The following XKR4 variants were observed in gnomAD, a reference collection of about 807,000 sequenced individuals.
XKR4 encodes XK related 4.
In XKR4, 12 loss-of-function variants were observed where a neutral mutation model predicts 53.9. The observed-to-expected ratio is 0.22, with a 90% CI of 0.14 to 0.36. The LOEUF is 0.36. XKR4 is among the 10% of genes least tolerant of loss of function. The pLI is 1.00. For synonymous variants in XKR4, 354 were observed against 362.4 expected, an observed-to-expected ratio of 0.98 and a Z score of 0.26; for missense variants, 799 against 859.5, an observed-to-expected ratio of 0.93 and a Z score of 0.88.
At chr8:55,458,746 G>A (rs1306767212) in intron 2 of XKR4, among the ~76,000 whole-genome samples, 1 of 152,216 alleles carries the variant, frequency 6.6e-6, no homozygotes, top group African/African-American at 2.4e-5. Context: ...AAGTCAAGCT[G>A]CTTCTCACTG....
At chr8:55,105,347 A>C (rs960049235) in intron 1 of XKR4, among the ~76,000 whole-genome samples, 4 of 102,678 alleles carry the variant, frequency 3.9e-5, no homozygotes, top group Admixed American at 2.5e-4. Flanking sequence ...GTTATTTCAG[A>C]GGTAGGGAGT....
intron 2 of XKR4, among the ~76,000 whole-genome samples, chr8:55,376,546 G>A (rs918466085): frequency 3.2e-4 from 48 of 151,996 alleles, no homozygotes; most frequent in African/African-American, 1.1e-3. Context: ...GTCTGTTCAT[G>A]TTCTTTGCCC....
chr8:55,312,394 T>C (rs1054086152), intron 1 of XKR4, among the ~76,000 whole-genome samples: 1 of 152,234 alleles, frequency 6.6e-6, no homozygotes, highest in Non-Finnish European at 1.5e-5. Flanking sequence ...TTGATATTTG[T>C]TTCCTTTATT....
At chr8:55,344,844 G>T (rs945207650) in intron 1 of XKR4, among the ~76,000 whole-genome samples, 1 of 152,084 alleles carries the variant, frequency 6.6e-6, no homozygotes, top group African/African-American at 2.4e-5. Context: ...TCCTCCTCTA[G>T]GTCTAAGGAA....
rs1806953106 is a variant in XKR4 at position 55,531,565 on chromosome 8, A to G, written c.*7338A>G. The G allele has an allele frequency of 6.6e-6, 1 of 152,208 alleles. No homozygotes were observed. Among genetic ancestry groups the G allele is most frequent in the Non-Finnish European group, 1.5e-5 (1 of 68,034 alleles). 9.4% of individuals were successfully genotyped at this position (152,208 alleles called of 1,614,324 possible). On this transcript the variant is annotated 3_prime_UTR_variant, in exon 3 of 3. Coordinates refer to ENST00000327381, the MANE Select transcript of XKR4 (RefSeq NM_052898.2). The stretch of plus-strand genomic sequence containing the variant: ...AAAAGTAATTTTATAATTTGTTTAT[A>G]TGACTCTCCAACACTAGATATTTTT...
intron 2 of XKR4, among the ~76,000 whole-genome samples, chr8:55,388,552 T>G (rs1414699654): frequency 6.6e-6 from 1 of 152,216 alleles, no homozygotes; most frequent in African/African-American, 2.4e-5. Context: ...CCTTCTTGCT[T>G]TGTCCTCCTG....
At chr8:55,215,142 G>T (rs972298763) in intron 1 of XKR4, among the ~76,000 whole-genome samples, 1 of 151,292 alleles carries the variant, frequency 6.6e-6, no homozygotes, top group Admixed American at 6.6e-5. Flanking sequence ...TCATTTAGCT[G>T]CTGAGTATTA....
chr8:55,249,250 G>A (rs917292438), intron 1 of XKR4, among the ~76,000 whole-genome samples: 8 of 152,116 alleles, frequency 5.3e-5, no homozygotes, highest in African/African-American at 1.9e-4. Flanking sequence ...CCTGAAATTG[G>A]GAAGTCACTG....
At chr8:55,323,548 T>C (rs1382758976) in intron 1 of XKR4, among the ~76,000 whole-genome samples, 2 of 152,244 alleles carry the variant, frequency 1.3e-5, no homozygotes, top group African/African-American at 2.4e-5. Context: ...TATTGCTAAG[T>C]AGTATTCTAT....
intron 1 of XKR4, among the ~76,000 whole-genome samples, chr8:55,306,019 G>A (rs1303226404): frequency 1.3e-5 from 2 of 152,150 alleles, no homozygotes; most frequent in Non-Finnish European, 2.9e-5. Context: ...TAACAAAAGG[G>A]GCTGAAGGGA....
chr8:55,362,932 G>A (rs1848084), intron 2 of XKR4, among the ~76,000 whole-genome samples: 2,287 of 152,296 alleles, frequency 0.015, 40 homozygotes, highest in African/African-American at 0.052. Flanking sequence ...CTCAATGAGG[G>A]TGTATAAACC....
intron 2 of XKR4, among the ~76,000 whole-genome samples, chr8:55,426,970 C>T (rs1485149279): frequency 6.6e-6 from 1 of 152,140 alleles, no homozygotes; most frequent in Non-Finnish European, 1.5e-5. Flanking sequence ...CTACCACTGC[C>T]TACAGTTGCT....
intron 2 of XKR4, among the ~76,000 whole-genome samples, chr8:55,405,967 A>G (rs952369946): frequency 6.6e-6 from 1 of 152,138 alleles, no homozygotes; most frequent in Non-Finnish European, 1.5e-5. Context: ...AGCAGCCTCA[A>G]TGTTATGTGA....
chr8:55,315,369 G>T (rs1819458216), intron 1 of XKR4, among the ~76,000 whole-genome samples: 1 of 152,162 alleles, frequency 6.6e-6, no homozygotes, highest in Non-Finnish European at 1.5e-5. Flanking sequence ...TGTCCGTGAG[G>T]AGCATGTTCT....
intron 1 of XKR4, among the ~76,000 whole-genome samples, chr8:55,241,689 T>C (rs1308356850): frequency 6.6e-6 from 1 of 152,240 alleles, no homozygotes; most frequent in African/African-American, 2.4e-5. Context: ...TCCTTCATTA[T>C]TTCTCATATA....
intron 1 of XKR4, among the ~76,000 whole-genome samples, chr8:55,174,544 A>G (rs2129358931): frequency 1.3e-5 from 2 of 152,022 alleles, no homozygotes; most frequent in South Asian, 2.1e-4. Flanking sequence ...GAACATTTCT[A>G]TTATAAAAAA....
chr8:55,451,630 GACAC>G, intron 2 of XKR4: 3 of 1,545,212 alleles, frequency 1.9e-6, no homozygotes, highest in Non-Finnish European at 2.6e-6. Context: ...GTAGCAGTAG[GACAC>G]GCGCTGCAGG....
chr8:55,399,383 T>C (rs1804567020), intron 2 of XKR4, among the ~76,000 whole-genome samples: 1 of 152,252 alleles, frequency 6.6e-6, no homozygotes, highest in Admixed American at 6.5e-5. Flanking sequence ...AATGCGCCAG[T>C]AGCTAAACAA....
chr8:55,102,657 G>A lies in XKR4; in HGVS notation c.169G>A (p.Asp57Asn). The A allele has an allele frequency of 2.3e-6, 3 of 1,280,176 alleles. No homozygotes were observed. The highest frequency in any genetic ancestry group is 1.5e-5 in the African/African-American group (1 of 64,788). The allele number at this position is 1,280,176 out of a possible 1,614,324, so 79.3% of individuals were successfully genotyped here. ...EEAAGGGCCP[D>N]GGGCSRCCCC... is the part of the protein sequence containing the mutation. Reference sequence around the variant, plus strand: ...GGCGGCCGGGGGCGGCTGCTGCCCGGACGGCGGCGGCTGCTCGCGCTGCTG... The same window carrying A: ...GGCGGCCGGGGGCGGCTGCTGCCCGAACGGCGGCGGCTGCTCGCGCTGCTG... Residue 57 changes from aspartate to asparagine, a missense_variant, in exon 1 of 3, where the codon GAC becomes AAC. By Grantham distance (23) the Asp-to-Asn change is conservative. Coordinates refer to ENST00000327381, the MANE Select transcript of XKR4 (RefSeq NM_052898.2). The surrounding 1 kb of genome is among the most constrained non-coding windows in gnomAD (Gnocchi z 5.1).
Sources: gnomAD v4.1 joint callset for allele counts (sites outside exome capture counted in the v4.1 genomes callset) on GRCh38, gnomAD v4.1.1 for gene constraint, Gnocchi (gnomAD v3.1) non-coding constraint, MANE v1.5 for transcripts, NCBI Gene and HGNC (gene_info 2026-07-23, HGNC 2026-07-21) for gene names.